ZBBX: variants seen among roughly 807,000 people sequenced by gnomAD.
The protein encoded by ZBBX is zinc finger B-box domain-containing protein 1.
A neutral mutation model predicts 108.5 loss-of-function variants in ZBBX; 101 were observed. The ratio of observed to expected loss-of-function variants is 0.93; its 90% confidence interval spans 0.79 to 1.10. The LOEUF is 1.10. ZBBX is among the 50% of genes least tolerant of loss of function. The probability of loss-of-function intolerance (pLI) is 0.00; values close to 1 mark genes in which losing one functional copy is unlikely to be tolerated. For missense variants in ZBBX, 1,009 were observed against 941.4 expected (o/e 1.07, Z -0.94); for synonymous variants, 356 against 323.4 (o/e 1.10, Z -1.08).
chr3:167,344,769 T>C (rs1741155960), intron 9 of ZBBX, among the ~76,000 whole-genome samples: 1 of 151,802 alleles, frequency 6.6e-6, no homozygotes, highest in African/African-American at 2.4e-5. Context: ...CATAGTGGAA[T>C]GTTTCAGTTA....
chr3:167,405,820 C>T (rs1748565243), intron 1 of ZBBX, among the ~76,000 whole-genome samples: 1 of 152,156 alleles, frequency 6.6e-6, no homozygotes, highest in African/African-American at 2.4e-5. Context: ...GCCTGTAATC[C>T]CAGCACTTTG....
intron 1 of ZBBX, among the ~76,000 whole-genome samples, chr3:167,387,454 G>A (rs1184209567): frequency 1.3e-5 from 2 of 152,028 alleles, no homozygotes; most frequent in Non-Finnish European, 2.9e-5. Flanking sequence ...TCACAATGAT[G>A]TTCAATGTTG....
intron 20 of ZBBX, among the ~76,000 whole-genome samples, chr3:167,246,113 C>T (rs1721526790): frequency 6.6e-6 from 1 of 152,112 alleles, no homozygotes; most frequent in South Asian, 2.1e-4. Flanking sequence ...ATCTACTTCA[C>T]CAAATAGCTG....
chr3:167,296,112 C>T (rs1057266424), intron 18 of ZBBX, among the ~76,000 whole-genome samples: 2 of 151,820 alleles, frequency 1.3e-5, no homozygotes, highest in African/African-American at 4.8e-5. Flanking sequence ...GAAAATCCAT[C>T]AGTGTAATAC....
chr3:167,392,168 G>A (rs1463963625), intron 1 of ZBBX, among the ~76,000 whole-genome samples: 1 of 151,844 alleles, frequency 6.6e-6, no homozygotes, highest in East Asian at 1.9e-4. Context: ...ACTCTCCCAT[G>A]TAAGTCTTCT....
chr3:167,343,433 C>T (rs1324455039), intron 9 of ZBBX, among the ~76,000 whole-genome samples: 3 of 151,852 alleles, frequency 2.0e-5, no homozygotes, highest in Non-Finnish European at 2.9e-5. Context: ...TTCCATTCTC[C>T]CTACCCCTTT....
intron 20 of ZBBX, among the ~76,000 whole-genome samples, chr3:167,243,705 A>T (rs1197519026): frequency 1.3e-5 from 2 of 150,312 alleles, no homozygotes; most frequent in Non-Finnish European, 1.5e-5. Context: ...TCCTGGTCAC[A>T]GGAACCAAAC....
intron 21 of ZBBX, 23 bp from the exon 22 acceptor site, chr3:167,240,942 A>T (rs1237484825): frequency 6.2e-7 from 1 of 1,609,562 alleles, no homozygotes; most frequent in African/African-American, 1.3e-5. Context: ...AACAAGATCA[A>T]TACACAATAT....
intron 20 of ZBBX, among the ~76,000 whole-genome samples, chr3:167,250,930 G>A (rs1237163423): frequency 1.3e-5 from 2 of 152,148 alleles, no homozygotes; most frequent in East Asian, 3.9e-4. Flanking sequence ...CGAGACCCGA[G>A]TGGAAAAACA....
intron 20 of ZBBX, among the ~76,000 whole-genome samples, chr3:167,253,505 T>C (rs1013073462): frequency 6.6e-6 from 1 of 151,474 alleles, no homozygotes; most frequent in Non-Finnish European, 1.5e-5. Flanking sequence ...TTTAATAAAA[T>C]CCAGAAAAAG....
At chr3:167,245,179 C>T (rs868350855) in intron 20 of ZBBX, among the ~76,000 whole-genome samples, 15 of 152,044 alleles carry the variant, frequency 9.9e-5, no homozygotes, top group South Asian at 2.1e-4. Context: ...TTTGGGAGGC[C>T]GAGGCGGGCG....
chr3:167,221,543 A>C, the ZBBX span, among the ~76,000 whole-genome samples: 4 of 151,992 alleles, frequency 2.6e-5, no homozygotes, highest in African/African-American at 7.2e-5. Context: ...ACTTAAATCT[A>C]AGACCTCAAA....
At chr3:167,366,961 CA>C (rs1577102716) in intron 5 of ZBBX, 1 of 455,302 alleles carries the variant, frequency 2.2e-6, no homozygotes, top group Non-Finnish European at 4.4e-6. Context: ...CTGATTAAAC[CA>C]ATGCTCTATT....
At chr3:167,301,024 G>T (rs1363732332) in intron 17 of ZBBX, among the ~76,000 whole-genome samples, 1 of 151,180 alleles carries the variant, frequency 6.6e-6, no homozygotes, top group Non-Finnish European at 1.5e-5. Context: ...TCATCACCTA[G>T]GCATTAAGCC....
chr3:167,205,919 C>A, the ZBBX span, among the ~76,000 whole-genome samples: 36 of 152,154 alleles, frequency 2.4e-4, no homozygotes, highest in Non-Finnish European at 7.4e-5. Context: ...TTCCACCTCT[C>A]CCTCTCTCTC....
chr3:167,194,458 T>C, the ZBBX span, among the ~76,000 whole-genome samples: 1 of 152,204 alleles, frequency 6.6e-6, no homozygotes, highest in African/African-American at 2.4e-5. Context: ...CAATTTCAAG[T>C]CCAAGGTTAA....
At chr3:167,348,749 T>A (rs1192903150) in intron 9 of ZBBX, among the ~76,000 whole-genome samples, 1 of 152,050 alleles carries the variant, frequency 6.6e-6, no homozygotes, top group East Asian at 1.9e-4. Context: ...ACATACTATA[T>A]ATATATGAAG....
the ZBBX span, among the ~76,000 whole-genome samples, chr3:167,200,909 T>C: frequency 1.4e-4 from 22 of 152,234 alleles, no homozygotes; most frequent in Admixed American, 1.1e-3. Flanking sequence ...AGCTTTGGAA[T>C]TGGGCCTTAC....
rs549293414 is a variant in ZBBX at position 167,320,814 on chromosome 3, G to GA, written c.983+1302dup. ...CAGTGTATAACCTCAGTCTAATTAT[G>GA]AAAAAACATCAGACAAGCCCAAATT... On this transcript the variant is annotated intron_variant, in intron 12 of 21. Coordinates refer to ENST00000675490, the MANE Select transcript of ZBBX (RefSeq NM_001199201.2). Among the ~76,000 whole-genome samples, 9 of 151,938 alleles carry GA rather than the reference G, an allele frequency of 5.9e-5. No individual in the cohort carries two copies. The South Asian group carries it at 1.9e-3, about 32-fold the overall frequency.
Sources: gnomAD v4.1 joint callset for allele counts (sites outside exome capture counted in the v4.1 genomes callset) on GRCh38, gnomAD v4.1.1 for gene constraint, MANE v1.5 for transcripts, NCBI Gene and HGNC (gene_info 2026-07-23, HGNC 2026-07-21) for gene names.